Variants in CROCC2 observed in about 807,000 individuals in gnomAD.
CROCC2 encodes ciliary rootlet coiled-coil protein 2.
CROCC2 carries 163 observed loss-of-function variants against 177.6 expected under a neutral mutation model. That is an observed-to-expected ratio of 0.92 (90% CI 0.81 to 1.05). CROCC2 has a LOEUF of 1.05. CROCC2 is among the 50% of genes least tolerant of loss of function. CROCC2 has a pLI of 0.00. For synonymous variants in CROCC2, 904 were observed against 787.3 expected, an observed-to-expected ratio of 1.15 and a Z score of -2.48; for missense variants, 1,929 against 1,797.8, an observed-to-expected ratio of 1.07 and a Z score of -1.32.
At chr2:240,914,805 G>T (rs1261099275) in intron 1 of CROCC2, among the ~76,000 whole-genome samples, 1 of 152,210 alleles carries the variant, frequency 6.6e-6, no homozygotes, top group Non-Finnish European at 1.5e-5. Flanking sequence ...GCTGCTGAGG[G>T]CTGGTGGGGC....
intron 28 of CROCC2, among the ~76,000 whole-genome samples, chr2:240,985,171 T>A (rs111163690): frequency 0.01 from 48 of 4,582 alleles, 3 homozygotes; most frequent in African/African-American, 0.022. Flanking sequence ...ACACCCAGGC[T>A]CTCACTCCAC....
At position 240,922,526 on chromosome 2, in the gene CROCC2, T is replaced by C; in HGVS notation, c.382-13T>C. On this transcript the variant is annotated splice_polypyrimidine_tract_variant and intron_variant, in intron 3 of 31. Coordinates refer to ENST00000690015, the MANE Select transcript of CROCC2 (RefSeq NM_001351305.2). ...GGAGCAGCCAGACCAGGTGGGCTAT[T>C]GCTCCTCCCCAGCTGCAGGCCCGGC... The C allele has an allele frequency of 1.4e-6, 1 of 693,966 alleles. No individual in the cohort carries two copies. The highest frequency in any genetic ancestry group is 2.7e-6 in the Non-Finnish European group (1 of 371,192). The allele number at this position is 693,966 out of a possible 1,614,324, so 43.0% of individuals were successfully genotyped here.
chr2:240,989,427 G>A lies in CROCC2; in HGVS notation c.4684-227G>A, dbSNP rs546281052. On this transcript the variant is annotated intron_variant, in intron 29 of 31. Coordinates refer to ENST00000690015, the MANE Select transcript of CROCC2 (RefSeq NM_001351305.2). ...TGAAAACAGATTTTAGGCCCACCCT[G>A]GAGGCTGTGGCTTAGTCTCCAGCCC... 2.0e-5 allele frequency among the ~76,000 whole-genome samples: 3 copies of A among 152,220 alleles called. No homozygotes were observed. The South Asian group carries it at 6.2e-4, about 32-fold the overall frequency.
intron 5 of CROCC2, among the ~76,000 whole-genome samples, chr2:240,929,270 A>G (rs1223460143): frequency 2.0e-5 from 3 of 152,250 alleles, no homozygotes; most frequent in Non-Finnish European, 2.9e-5. Context: ...GGGGTTCTGG[A>G]GAACGGGCAG....
chr2:240,934,249 C>T, intron 11 of CROCC2, 82 bp from the exon 12 acceptor site: 1 of 1,461,786 alleles, frequency 6.8e-7, no homozygotes, highest in Non-Finnish European at 9.2e-7. Context: ...GAGGGAGTTG[C>T]AGGTGGTCGC....
In CROCC2 at chr2:240,973,604, G is replaced by A. The variant is rs1292806929; in HGVS notation, c.4401+5342G>A. ...CCTTGCAGGTCACCCGCCTGTGGGG[G>A]CTCAACTCAGCGTCAGTCACAGGTT... On this transcript the variant is annotated intron_variant, in intron 27 of 31. Coordinates refer to ENST00000690015, the MANE Select transcript of CROCC2 (RefSeq NM_001351305.2). The surrounding 1 kb of genome is among the most constrained non-coding windows in gnomAD (Gnocchi z 4.7). Among the ~76,000 whole-genome samples, 5 of 152,142 alleles carry A rather than the reference G, an allele frequency of 3.3e-5. No individual in the cohort carries two copies. The highest frequency in any genetic ancestry group is 2.0e-4 in the Admixed American group (3 of 15,270).
chr2:240,932,988 G>T (rs895468974), intron 9 of CROCC2, 80 bp downstream of exon 9: 44 of 1,480,808 alleles, frequency 3.0e-5, no homozygotes, highest in Non-Finnish European at 3.9e-5. Context: ...GGTAGTTATG[G>T]GGCCTGCCCC....
chr2:240,983,373 CAG>C, intron 28 of CROCC2: 1 of 1,295,544 alleles, frequency 7.7e-7, no homozygotes, highest in Non-Finnish European at 1.0e-6. Context: ...ACCCCGCTCT[CAG>C]AAACTCGGGC....
At position 240,922,616 on chromosome 2, in the gene CROCC2, C is replaced by T; in HGVS notation, c.459C>T (p.Ala153=). 1 of 671,240 alleles carries T rather than the reference C, an allele frequency of 1.5e-6. No homozygotes were observed. The highest frequency in any genetic ancestry group is 2.8e-6 in the Non-Finnish European group (1 of 359,166). The allele number at this position is 671,240 out of a possible 1,614,324, so 41.6% of individuals were successfully genotyped here. A position where few individuals can be genotyped will look rare whatever the true frequency, so the allele number is the denominator to read the frequency against. ...ELEHSVDLEE[A]LGRLEAAEER... Reference sequence around the variant, plus strand: ...AGCACAGCGTGGATCTGGAGGAGGCCCTTGGCCGTCTGGAGGCTGCCGAGG... The same window carrying T: ...AGCACAGCGTGGATCTGGAGGAGGCTCTTGGCCGTCTGGAGGCTGCCGAGG... The change falls in exon 4 of 32, where the codon GCC becomes GCT. Residue 153 remains alanine, a synonymous_variant. Transcript: ENST00000690015.
Position 240,918,994 on chromosome 2 carries a change from C to A in CROCC2, c.229+118C>A, listed in dbSNP as rs2059338975. ...GTGGGGGACAGTCCTGGGCTCGCGG[C>A]TGGCCAAGGTGATGGCGTGGGGGAC... is the stretch of plus-strand genomic sequence containing the variant. On this transcript the variant is annotated intron_variant, in intron 2 of 31. Coordinates refer to ENST00000690015, the MANE Select transcript of CROCC2 (RefSeq NM_001351305.2). The surrounding 1 kb of genome is among the most constrained non-coding windows in gnomAD (Gnocchi z 6.3). The A allele has an allele frequency of 3.2e-6, 2 of 626,682 alleles. No homozygotes were observed. 38.8% of individuals were successfully genotyped at this position (626,682 alleles called of 1,614,324 possible).
At chr2:240,976,100 G>A (rs1217527043) in intron 27 of CROCC2, among the ~76,000 whole-genome samples, 2 of 152,248 alleles carry the variant, frequency 1.3e-5, no homozygotes, top group African/African-American at 2.4e-5. Flanking sequence ...TGGGGAGACT[G>A]ACACTGCAGC....
Position 240,960,113 on chromosome 2 carries a change from C to G in CROCC2, c.3087+669C>G, listed in dbSNP as rs12477875. 6.6e-6 allele frequency among the ~76,000 whole-genome samples: 1 copy of G among 151,800 alleles called. No individual in the cohort carries two copies. The highest frequency in any genetic ancestry group is 1.5e-5 in the Non-Finnish European group (1 of 67,870). ...CAGCTGTCGCCTCCCAAAGCCTTCC[C>G]GAGAGACAGGCATGACCTGGGGCGA... On this transcript the variant is annotated intron_variant, in intron 20 of 31. Coordinates refer to ENST00000690015, the MANE Select transcript of CROCC2 (RefSeq NM_001351305.2). This position sits in a 1 kb window ranked among gnomAD's most constrained non-coding sequence, Gnocchi z 5.0.
In CROCC2 at chr2:240,963,676, C is replaced by T. The variant is rs939804732; in HGVS notation, c.3208C>T (p.Arg1070Trp). 9.0e-6 allele frequency: 14 copies of T among 1,550,006 alleles called. No individual in the cohort carries two copies. Among genetic ancestry groups the T allele is most frequent in the East Asian group, 2.4e-5 (1 of 40,920 alleles). The change falls in exon 21 of 32, where the codon CGG becomes TGG. Residue 1070 changes from arginine (R) to tryptophan (W), a missense_variant. Transcript: ENST00000690015. Reference protein sequence around the residue: ...GLHREAQEARRALSDEAREKD... With the variant: ...GLHREAQEARWALSDEAREKD... ...GCACAGGGAGGCCCAGGAGGCCCGCCGGGCGCTGAGTGACGAGGCCCGCGA... is the reference window on the plus strand; with the variant it reads ...GCACAGGGAGGCCCAGGAGGCCCGCTGGGCGCTGAGTGACGAGGCCCGCGA...
chr2:240,928,420 T>TTGTG (rs58145871), intron 5 of CROCC2, among the ~76,000 whole-genome samples: 49,930 of 147,568 alleles, frequency 0.34, 9,019 homozygotes, highest in East Asian at 0.45. Context: ...TGTGCCTGTT[T>TTGTG]TGTGTGTGTG....
At position 240,956,689 on chromosome 2, in the gene CROCC2, G is replaced by A. The variant is rs527746784; in HGVS notation, c.2943+717G>A. 5.9e-5 allele frequency among the ~76,000 whole-genome samples: 9 copies of A among 152,304 alleles called. 1 individual carries two copies. The highest frequency in any genetic ancestry group is 4.1e-4 in the South Asian group (2 of 4,826). ...GGGCAGGAGGGCTATAGGGAGGAGCGCTCTGGAGAGGAGGGCTCTGGGGAG... is the reference window on the plus strand; with the variant it reads ...GGGCAGGAGGGCTATAGGGAGGAGCACTCTGGAGAGGAGGGCTCTGGGGAG... On this transcript the variant is annotated intron_variant, in intron 19 of 31. Transcript: ENST00000690015.
At chr2:240,941,862 G>A (rs2059496677) in intron 14 of CROCC2, among the ~76,000 whole-genome samples, 1 of 152,176 alleles carries the variant, frequency 6.6e-6, no homozygotes, top group Admixed American at 6.5e-5. Flanking sequence ...AGGTGATTTA[G>A]GCCATAAGGG....
Position 240,926,630 on chromosome 2 carries a change from G to A in CROCC2, c.645+750G>A, listed in dbSNP as rs75550564. Reference sequence around the variant, plus strand: ...GCTGCGCCAGGTGGAGGCAGGAGCCGGAGGGGCAGCCGCGTTTCTGGCCTC... The same window carrying A: ...GCTGCGCCAGGTGGAGGCAGGAGCCAGAGGGGCAGCCGCGTTTCTGGCCTC... On this transcript the variant is annotated intron_variant, in intron 5 of 31. Transcript: ENST00000690015. Among the ~76,000 whole-genome samples, 1,999 of 152,200 alleles carry A rather than the reference G, an allele frequency of 0.013. 88 individuals are homozygous for A. The East Asian group carries it at 0.15, about 11-fold the overall frequency.
Position 240,972,442 on chromosome 2 carries a change from G to A in CROCC2, c.4401+4180G>A, listed in dbSNP as rs62186603. 1.5e-4 allele frequency among the ~76,000 whole-genome samples: 23 copies of A among 152,024 alleles called. No homozygotes were observed. The highest frequency in any genetic ancestry group is 3.2e-4 in the Non-Finnish European group (22 of 68,016). ...CCTCACAGGGATGGAGGGCTCCCCG[G>A]GTCCCCCAGCCACAGCAACCCTCTT... is the stretch of plus-strand genomic sequence containing the variant. On this transcript the variant is annotated intron_variant, in intron 27 of 31. Transcript: ENST00000690015. This position sits in a 1 kb window ranked among gnomAD's most constrained non-coding sequence, Gnocchi z 7.1.
chr2:240,990,735 A>G (rs1206255722), intron 30 of CROCC2, among the ~76,000 whole-genome samples: 1 of 152,072 alleles, frequency 6.6e-6, no homozygotes, highest in African/African-American at 2.4e-5. Context: ...GGCACCCACC[A>G]CCATGCCTGG....
Sources: allele counts gnomAD v4.1 joint callset (sites outside exome capture counted in the v4.1 genomes callset), GRCh38; gene constraint gnomAD v4.1.1; non-coding constraint Gnocchi (gnomAD v3.1); transcripts MANE v1.5; gene names NCBI Gene and HGNC (gene_info 2026-07-23, HGNC 2026-07-21).